The following DHX33 variants were observed in gnomAD, a reference collection of about 807,000 sequenced individuals.
DHX33 encodes ATP-dependent RNA helicase DHX33.
In DHX33, 42 loss-of-function variants were observed where a neutral mutation model predicts 72.5. The observed-to-expected ratio is 0.58, with a 90% CI of 0.45 to 0.75. The LOEUF (loss-of-function observed/expected upper bound fraction) is 0.75. DHX33 is among the 30% of genes least tolerant of loss of function. The pLI is 0.00. For synonymous variants in DHX33, 358 were observed against 366.1 expected (o/e 0.98, Z 0.25); for missense variants, 842 against 917.5 (o/e 0.92, Z 1.06).
At chr17:5,457,098 G>A (rs1176295417) in intron 4 of DHX33, among the ~76,000 whole-genome samples, 1 of 152,188 alleles carries the variant, frequency 6.6e-6, no homozygotes, top group Non-Finnish European at 1.5e-5. Flanking sequence ...CCTGAGGTCA[G>A]GAGTTCGAGA....
chr17:5,444,604 G>A lies in DHX33; in HGVS notation c.1816-91C>T. On this transcript the variant is annotated intron_variant, in intron 11 of 11. Transcript: ENST00000225296. This position sits in a 1 kb window ranked among gnomAD's most constrained non-coding sequence, Gnocchi z 4.9. ...CGTGTTGGGGCAACTGGACCCACTG[G>A]GGCAAAAGCAGCCCACATTGTGAGC... is the stretch of plus-strand genomic sequence containing the variant. The A allele has an allele frequency of 7.5e-7, 1 of 1,329,550 alleles. No homozygotes were observed. Among genetic ancestry groups the A allele is most frequent in the South Asian group, 1.4e-5 (1 of 71,892 alleles). 82.4% of individuals were successfully genotyped at this position (1,329,550 alleles called of 1,614,324 possible). A position where few individuals can be genotyped will look rare whatever the true frequency, so the allele number is the denominator to read the frequency against.
chr17:5,451,579 G>A (rs575806464), intron 8 of DHX33, among the ~76,000 whole-genome samples: 2 of 152,290 alleles, frequency 1.3e-5, no homozygotes, highest in South Asian at 4.1e-4. Context: ...GGAAATAGCA[G>A]TTGTCTCAGG....
rs1052215507 is a variant in DHX33, at chr17:5,443,435, A to C, written c.*770T>G. 15 of 152,118 alleles carry C rather than the reference A, an allele frequency of 9.9e-5. No homozygotes were observed. The highest frequency in any genetic ancestry group is 3.6e-4 in the African/African-American group (15 of 41,402). 9.4% of individuals were successfully genotyped at this position (152,118 alleles called of 1,614,324 possible). On this transcript the variant is annotated 3_prime_UTR_variant, in exon 12 of 12. Transcript: ENST00000225296. The stretch of plus-strand genomic sequence containing the variant: ...GACAGGATTCAGAAGGTACAAATCA[A>C]CCTTCACCCAGGAAGCTTACATGTC...
chr17:5,447,480 CG>C (rs1287616891), intron 11 of DHX33, among the ~76,000 whole-genome samples: 1 of 151,998 alleles, frequency 6.6e-6, no homozygotes, highest in Non-Finnish European at 1.5e-5. Flanking sequence ...AAATATTAGC[CG>C]GGTGTGGTGG....
At chr17:5,445,139 C>T (rs887947459) in intron 11 of DHX33, among the ~76,000 whole-genome samples, 18 of 151,534 alleles carry the variant, frequency 1.2e-4, no homozygotes, top group African/African-American at 4.1e-4. Context: ...AGTGCAATGG[C>T]GCAATCTCAG....
At chr17:5,458,798 T>TCTAAA (rs1257545596) in intron 4 of DHX33, among the ~76,000 whole-genome samples, 1 of 152,174 alleles carries the variant, frequency 6.6e-6, no homozygotes, top group Non-Finnish European at 1.5e-5. Flanking sequence ...ACAGCAGAAA[T>TCTAAA]CTGGGATGTT....
chr17:5,454,080 G>A (rs1227240127), intron 6 of DHX33, 100 bp from the exon 7 acceptor site: 22 of 1,399,420 alleles, frequency 1.6e-5, no homozygotes, highest in East Asian at 9.5e-5. Context: ...TCAGCAACAC[G>A]GGGGTCCAGA....
rs147333372 is a variant in DHX33, at chr17:5,447,115, C to T, written c.1815+1694G>A. ...GTGATCAACAGCAAAAGAACACTTCCGCTACCCTCTATCTCTGACATAAAA... is the reference window on the plus strand; with the variant it reads ...GTGATCAACAGCAAAAGAACACTTCTGCTACCCTCTATCTCTGACATAAAA... On this transcript the variant is annotated intron_variant, in intron 11 of 11. Transcript: ENST00000225296. 1.8e-3 allele frequency among the ~76,000 whole-genome samples: 273 copies of T among 152,342 alleles called. 1 individual carries two copies. The highest frequency in any genetic ancestry group is 6.8e-3 in the Middle Eastern group (2 of 294).
rs770630555 is a variant in DHX33, at chr17:5,448,908, A to T, written c.1729-13T>A. On this transcript the variant is annotated splice_polypyrimidine_tract_variant and intron_variant, in intron 10 of 11. Transcript: ENST00000225296. ...CTTTGCACCAATCCTGAATAGGAGA[A>T]AGAGTGATATCACAATCCACTCATT... The T allele has an allele frequency of 6.2e-7, 1 of 1,601,118 alleles. No individual in the cohort carries two copies. The highest frequency in any genetic ancestry group is 8.6e-7 in the Non-Finnish European group (1 of 1,168,958).
chr17:5,455,501 C>T (rs1276771058), intron 5 of DHX33, among the ~76,000 whole-genome samples: 1 of 152,174 alleles, frequency 6.6e-6, no homozygotes, highest in Non-Finnish European at 1.5e-5. Context: ...GGAACAAGCA[C>T]AGGAATCAGA....
At chr17:5,467,456 T>G (rs1262207244) in intron 1 of DHX33, among the ~76,000 whole-genome samples, 1 of 152,098 alleles carries the variant, frequency 6.6e-6, no homozygotes, top group Non-Finnish European at 1.5e-5. Flanking sequence ...GACAAGCCCC[T>G]CATTCAAAAG....
In DHX33 at chr17:5,444,498, C is replaced by T. The variant is rs139645406; in HGVS notation, c.1831G>A (p.Ala611Thr). The part of the protein sequence containing the change: ...DICLKMSMPI[A>T]SSRGDVESVR... ...CTCTCCACGTCTCCTCGGGATGATG[C>T]GATTGGCATTGACATCTGTTTCGGG... Residue 611 changes from alanine (A) to threonine (T), a missense_variant, in exon 12 of 12, where the codon GCA (alanine) becomes ACA (threonine). Transcript: ENST00000225296. This position sits in a 1 kb window ranked among gnomAD's most constrained non-coding sequence, Gnocchi z 4.9. 2.0e-4 allele frequency: 320 copies of T among 1,613,512 alleles called. 1 individual carries two copies. The highest frequency in any genetic ancestry group is 6.0e-4 in the Admixed American group (36 of 59,996).
chr17:5,444,489 G>A lies in DHX33; in HGVS notation c.1840C>T (p.Arg614Ter), dbSNP rs200542033. The A allele has an allele frequency of 8.7e-6, 14 of 1,613,850 alleles. No individual in the cohort carries two copies. The highest frequency in any genetic ancestry group is 3.3e-5 in the Admixed American group (2 of 60,000). Residue 614 changes from arginine to a stop codon, truncating the protein, a stop_gained, in exon 12 of 12, where the codon CGA (arginine) becomes TGA (stop). Transcript: ENST00000225296. LOFTEE classifies it high-confidence loss of function. This position sits in a 1 kb window ranked among gnomAD's most constrained non-coding sequence, Gnocchi z 4.9. ...LKMSMPIASS[R>*]GDVESVRRCL... is the part of the protein sequence containing the mutation. ...CGGCGGACACTCTCCACGTCTCCTCGGGATGATGCGATTGGCATTGACATC... is the reference window on the plus strand; with the variant it reads ...CGGCGGACACTCTCCACGTCTCCTCAGGATGATGCGATTGGCATTGACATC...
rs369509015 is a variant in DHX33 at position 5,468,874 on chromosome 17, G to C, written c.-15C>G. The C allele has an allele frequency of 7.7e-5, 120 of 1,549,514 alleles. 1 individual carries two copies. In the African/African-American group the frequency reaches 1.6e-3, roughly 20 times the overall value. ...TCCTCCGGCATGTCGGGAGGGCACC[G>C]CGGCGGGAGGCGCAAGCGCCGAGAG... is the stretch of plus-strand genomic sequence containing the variant. On this transcript the variant is annotated 5_prime_UTR_variant, in exon 1 of 12. Coordinates refer to ENST00000225296, the MANE Select transcript of DHX33 (RefSeq NM_020162.4).
rs1366951521 is a variant in DHX33, at chr17:5,444,561, C to A, written c.1816-48G>T. 2 of 1,573,146 alleles carry A rather than the reference C, an allele frequency of 1.3e-6. No homozygotes were observed. Among genetic ancestry groups the A allele is most frequent in the Non-Finnish European group, 1.7e-6 (2 of 1,158,052 alleles). ...ATGGAGCCGACCCCACACGTAAACA[C>A]TGGTCAGCACTACACAGCGTGTTGG... On this transcript the variant is annotated intron_variant, in intron 11 of 11. Transcript: ENST00000225296. This position sits in a 1 kb window ranked among gnomAD's most constrained non-coding sequence, Gnocchi z 4.9.
At position 5,444,848 on chromosome 17, in the gene DHX33, C is replaced by T. The variant is rs1241192470; in HGVS notation, c.1816-335G>A. Reference sequence around the variant, plus strand: ...ATCAGGACGGCCCGGAAAGGAAAGGCCCTTCCCTCTCGCTTTGACCATCTC... The same window carrying T: ...ATCAGGACGGCCCGGAAAGGAAAGGTCCTTCCCTCTCGCTTTGACCATCTC... On this transcript the variant is annotated intron_variant, in intron 11 of 11. Transcript: ENST00000225296. This position sits in a 1 kb window ranked among gnomAD's most constrained non-coding sequence, Gnocchi z 4.9. Among the ~76,000 whole-genome samples, 1 of 152,102 alleles carries T rather than the reference C, an allele frequency of 6.6e-6. No individual in the cohort carries two copies. Among genetic ancestry groups the T allele is most frequent in the Non-Finnish European group, 1.5e-5 (1 of 68,020 alleles).
chr17:5,465,804 C>T (rs1904856092), intron 1 of DHX33, among the ~76,000 whole-genome samples: 1 of 152,206 alleles, frequency 6.6e-6, no homozygotes. Flanking sequence ...CCACTTGAAG[C>T]CCAGTGACTC....
At chr17:5,463,381 C>T in intron 2 of DHX33, 148 bp downstream of exon 2, 1 of 831,700 alleles carries the variant, frequency 1.2e-6, no homozygotes, top group East Asian at 2.5e-5. Context: ...CCTGATCTCT[C>T]AGGAGCTGGT....
At chr17:5,466,850 T>C (rs955417435) in intron 1 of DHX33, among the ~76,000 whole-genome samples, 1 of 152,182 alleles carries the variant, frequency 6.6e-6, no homozygotes, top group Non-Finnish European at 1.5e-5. Context: ...AAGGTAAAGG[T>C]TGCTAAAAGT....
Sources: allele counts gnomAD v4.1 joint callset (sites outside exome capture counted in the v4.1 genomes callset), GRCh38; gene constraint gnomAD v4.1.1; non-coding constraint Gnocchi (gnomAD v3.1); transcripts MANE v1.5; gene names NCBI Gene and HGNC (gene_info 2026-07-23, HGNC 2026-07-21).